INPP4B: variants seen among roughly 807,000 people sequenced by gnomAD.
INPP4B encodes the protein inositol polyphosphate 4-phosphatase type II.
In INPP4B, 55 loss-of-function variants were observed where a neutral mutation model predicts 122.5. The ratio of observed to expected loss-of-function variants is 0.45; its 90% CI spans 0.36 to 0.56. INPP4B has a LOEUF of 0.56. Ranked by LOEUF, INPP4B falls within the 20% of genes least tolerant of loss-of-function variation. The pLI, the probability that INPP4B is intolerant of heterozygous loss-of-function variation, is 0.00. For missense variants in INPP4B, 1,000 were observed against 1,097.7 expected (o/e 0.91, Z 1.26); for synonymous variants, 403 against 388.7 (o/e 1.04, Z -0.43).
intron 9 of INPP4B, among the ~76,000 whole-genome samples, chr4:142,289,590 G>A (rs1349530901): frequency 6.6e-6 from 1 of 152,084 alleles, no homozygotes; most frequent in East Asian, 1.9e-4. Flanking sequence ...CTGTGTCCCT[G>A]TGTTCTCATC....
At chr4:142,347,392 G>A (rs1579807929) in intron 7 of INPP4B, 1 of 293,556 alleles carries the variant, frequency 3.4e-6, no homozygotes, top group South Asian at 3.1e-5. Flanking sequence ...TATTTGGCCA[G>A]TGCTCTGAGG....
intron 6 of INPP4B, among the ~76,000 whole-genome samples, chr4:142,404,047 AG>A (rs1802519522): frequency 2.2e-5 from 2 of 91,374 alleles, no homozygotes; most frequent in Non-Finnish European, 5.0e-5. Context: ...TTAAAATAAC[AG>A]AATTTTTAAC....
In INPP4B at chr4:142,075,748, A is replaced by G. The variant is rs148766545; in HGVS notation, c.2642+6283T>C. ...GCAGAGACTTTAAGTCATCTCATTT[A>G]TCACAACACTCACAAGAGGGCAATG... On this transcript the variant is annotated intron_variant, in intron 25 of 25. Coordinates refer to ENST00000262992, the MANE Select transcript of INPP4B (RefSeq NM_001101669.3). 8.6e-3 allele frequency among the ~76,000 whole-genome samples: 1,305 copies of G among 152,096 alleles called. 10 individuals carry two copies. Among genetic ancestry groups the G allele is most frequent in the South Asian group, 0.032 (153 of 4,822 alleles).
chr4:142,777,592 T>C (rs1232458231), intron 1 of INPP4B, among the ~76,000 whole-genome samples: 2 of 152,180 alleles, frequency 1.3e-5, no homozygotes, highest in Non-Finnish European at 2.9e-5. Context: ...CCACAGAAAC[T>C]GTGAGGTAAT....
chr4:142,498,064 C>T (rs2149807733), intron 2 of INPP4B, among the ~76,000 whole-genome samples: 1 of 151,598 alleles, frequency 6.6e-6, no homozygotes, highest in East Asian at 1.9e-4. Context: ...AATTATAGCA[C>T]AACTACCTTA....
rs570607875 is a variant in INPP4B at position 142,627,680 on chromosome 4, C to T, written c.-191+98159G>A. 4.9e-3 allele frequency among the ~76,000 whole-genome samples: 742 copies of T among 150,740 alleles called. 6 individuals are homozygous for T. Among genetic ancestry groups the T allele is most frequent in the African/African-American group, 0.017 (705 of 40,796 alleles). ...CAGTATTTTATTGAGGATTTTTTCA[C>T]GAATGTTCATCAAGGATATTGGTCT... On this transcript the variant is annotated intron_variant, in intron 2 of 25. Transcript: ENST00000262992.
At chr4:142,634,141 C>T (rs1241055380) in intron 2 of INPP4B, among the ~76,000 whole-genome samples, 1 of 152,084 alleles carries the variant, frequency 6.6e-6, no homozygotes, top group East Asian at 1.9e-4. Context: ...TTAAAAGTTA[C>T]CAAACCTAAC....
intron 2 of INPP4B, among the ~76,000 whole-genome samples, chr4:142,651,053 C>T (rs903779136): frequency 6.6e-6 from 1 of 152,196 alleles, no homozygotes; most frequent in Middle Eastern, 3.2e-3. Context: ...AATTAGAACT[C>T]AGGATTCAGA....
chr4:142,316,461 C>T (rs1387260989), intron 7 of INPP4B, among the ~76,000 whole-genome samples: 1 of 152,110 alleles, frequency 6.6e-6, no homozygotes, highest in Non-Finnish European at 1.5e-5. Context: ...GTTTCTCCCT[C>T]TAACTCTGTA....
intron 25 of INPP4B, among the ~76,000 whole-genome samples, chr4:142,041,410 G>A (rs1322108952): frequency 6.6e-6 from 1 of 152,094 alleles, no homozygotes; most frequent in East Asian, 1.9e-4. Context: ...CTGAGGTCAG[G>A]AGTTTGAGAC....
At chr4:142,819,127 T>C (rs1277371553) in intron 1 of INPP4B, among the ~76,000 whole-genome samples, 2 of 152,134 alleles carry the variant, frequency 1.3e-5, no homozygotes, top group East Asian at 3.9e-4. Flanking sequence ...TCCCACCCTT[T>C]GGGGTAGAAA....
chr4:142,337,756 A>ATATATAT (rs1434735659), intron 7 of INPP4B, among the ~76,000 whole-genome samples: 3 of 128,922 alleles, frequency 2.3e-5, no homozygotes, highest in South Asian at 2.5e-4. Context: ...TATATATTTT[A>ATATATAT]TATATATTTT....
At chr4:142,720,517 A>G (rs1217005598) in intron 2 of INPP4B, among the ~76,000 whole-genome samples, 1 of 151,800 alleles carries the variant, frequency 6.6e-6, no homozygotes, top group Non-Finnish European at 1.5e-5. Context: ...TAACCTATGC[A>G]CATCCTCCCA....
chr4:142,234,384 C>T (rs1855771351), intron 12 of INPP4B, among the ~76,000 whole-genome samples: 1 of 152,060 alleles, frequency 6.6e-6, no homozygotes, highest in Admixed American at 6.6e-5. Context: ...TTATTTAGTG[C>T]ATTACACTTT....
chr4:142,730,881 T>A (rs991486369), intron 1 of INPP4B, among the ~76,000 whole-genome samples: 1 of 152,218 alleles, frequency 6.6e-6, no homozygotes, highest in Non-Finnish European at 1.5e-5. Context: ...AGCGTTGACT[T>A]ATGTGGCATA....
intron 16 of INPP4B, among the ~76,000 whole-genome samples, chr4:142,165,069 C>T (rs1024418208): frequency 6.6e-5 from 10 of 151,734 alleles, no homozygotes; most frequent in East Asian, 3.9e-4. Flanking sequence ...GTCATCTTTA[C>T]GCCAAGGTCT....
intron 2 of INPP4B, among the ~76,000 whole-genome samples, chr4:142,546,278 T>A (rs1231222132): frequency 6.6e-6 from 1 of 152,340 alleles, no homozygotes; most frequent in East Asian, 1.9e-4. Context: ...CATTGTTTTT[T>A]ATGGCTGCAT....
intron 7 of INPP4B, among the ~76,000 whole-genome samples, chr4:142,371,244 C>G (rs1789781470): frequency 6.6e-6 from 1 of 152,046 alleles, no homozygotes; most frequent in Admixed American, 6.6e-5. Flanking sequence ...AAACTAGACC[C>G]CAATCTCTCA....
chr4:142,565,043 G>A (rs1017605155), intron 2 of INPP4B, among the ~76,000 whole-genome samples: 5 of 152,010 alleles, frequency 3.3e-5, no homozygotes, highest in Non-Finnish European at 5.9e-5. Context: ...TTTCCTTAGC[G>A]TTCTTTAATA....
Sources: gnomAD v4.1 joint callset for allele counts (sites outside exome capture counted in the v4.1 genomes callset) on GRCh38, gnomAD v4.1.1 for gene constraint, MANE v1.5 for transcripts, NCBI Gene and HGNC (gene_info 2026-07-23, HGNC 2026-07-21) for gene names.